SGMS1: variants seen among roughly 807,000 people sequenced by gnomAD.
SGMS1 encodes the protein sphingomyelin synthase 1, also known as phosphatidylcholine:ceramide cholinephosphotransferase 1.
In SGMS1, 13 loss-of-function variants were observed where a neutral mutation model predicts 46.2. That is an observed-to-expected ratio of 0.28 (90% CI 0.18 to 0.45). SGMS1 has a LOEUF of 0.45. SGMS1 is among the 20% of genes least tolerant of loss of function. The pLI, the probability that SGMS1 is intolerant of heterozygous loss-of-function variation, is 1.00. For missense variants in SGMS1, 324 were observed against 519.9 expected (o/e 0.62, Z 3.66); for synonymous variants, 203 against 187.8 (o/e 1.08, Z -0.66).
intron 2 of SGMS1, among the ~76,000 whole-genome samples, chr10:50,568,669 T>C (rs1182608936): frequency 6.6e-6 from 1 of 152,086 alleles, no homozygotes; most frequent in African/African-American, 2.4e-5. Flanking sequence ...TGAGACCCCA[T>C]ATCAAAAAAA....
intron 6 of SGMS1, among the ~76,000 whole-genome samples, chr10:50,432,426 T>C (rs1399536117): frequency 6.6e-6 from 1 of 152,186 alleles, no homozygotes; most frequent in East Asian, 1.9e-4. Flanking sequence ...CTTCCCAGCC[T>C]CGCTTTCAGT....
intron 7 of SGMS1, chr10:50,343,271 C>T: frequency 6.5e-6 from 3 of 462,810 alleles, no homozygotes; most frequent in Non-Finnish European, 7.5e-6. Flanking sequence ...CCATCTTATT[C>T]ATCATCCTGT....
intron 3 of SGMS1, among the ~76,000 whole-genome samples, chr10:50,513,485 C>T (rs538817800): frequency 5.9e-4 from 90 of 152,252 alleles, no homozygotes; most frequent in African/African-American, 2.1e-3. Flanking sequence ...ACTGCCCTTC[C>T]CAACCAGTTT....
intron 2 of SGMS1, among the ~76,000 whole-genome samples, chr10:50,533,659 T>C (rs1837975081): frequency 6.6e-6 from 1 of 152,098 alleles, no homozygotes. Flanking sequence ...AACACACACA[T>C]TTTTCTTAAT....
chr10:50,587,485 T>A (rs952078876), intron 2 of SGMS1, among the ~76,000 whole-genome samples: 3 of 152,004 alleles, frequency 2.0e-5, no homozygotes, highest in Non-Finnish European at 4.4e-5. Context: ...ATACAAAAAT[T>A]AGCCTGGCAT....
chr10:50,566,283 C>T (rs1328639813), intron 2 of SGMS1, among the ~76,000 whole-genome samples: 1 of 148,528 alleles, frequency 6.7e-6, no homozygotes, highest in Non-Finnish European at 1.5e-5. Context: ...CTGCCCCACT[C>T]TTTTTTTTTT....
At chr10:50,377,260 C>A (rs1405807028) in intron 6 of SGMS1, among the ~76,000 whole-genome samples, 2 of 152,138 alleles carry the variant, frequency 1.3e-5, no homozygotes, top group Admixed American at 1.3e-4. Flanking sequence ...CAAGAGAGAG[C>A]CAAACTGGCT....
chr10:50,614,600 G>A (rs1383679886), intron 1 of SGMS1, among the ~76,000 whole-genome samples: 1 of 152,200 alleles, frequency 6.6e-6, no homozygotes, highest in Non-Finnish European at 1.5e-5. Flanking sequence ...CAGAAACTCT[G>A]GCAGAGGTGG....
At chr10:50,565,260 T>A (rs542312685) in intron 2 of SGMS1, among the ~76,000 whole-genome samples, 1 of 152,134 alleles carries the variant, frequency 6.6e-6, no homozygotes, top group East Asian at 1.9e-4. Flanking sequence ...AGACACACAA[T>A]AGGTCTTCAG....
chr10:50,605,393 T>C (rs1296823195), intron 1 of SGMS1, among the ~76,000 whole-genome samples: 1 of 152,154 alleles, frequency 6.6e-6, no homozygotes, highest in African/African-American at 2.4e-5. Flanking sequence ...TATCTGCATA[T>C]CCAGTGAGCA....
At chr10:50,458,374 G>C (rs1340050673) in intron 5 of SGMS1, among the ~76,000 whole-genome samples, 1 of 52,108 alleles carries the variant, frequency 1.9e-5, no homozygotes, top group African/African-American at 7.7e-5. Context: ...TTTTTTGTTT[G>C]AGGTGGAGTC....
chr10:50,371,008 C>G (rs1848427325), intron 6 of SGMS1, among the ~76,000 whole-genome samples: 1 of 152,152 alleles, frequency 6.6e-6, no homozygotes, highest in Non-Finnish European at 1.5e-5. Flanking sequence ...ATAGCAAATA[C>G]ATAAACCATT....
intron 6 of SGMS1, among the ~76,000 whole-genome samples, chr10:50,402,495 T>C (rs1848956143): frequency 6.6e-6 from 1 of 152,180 alleles, no homozygotes; most frequent in Non-Finnish European, 1.5e-5. Context: ...TAACATTACA[T>C]GCCAAGCCAA....
At chr10:50,614,848 A>G (rs1416144926) in intron 1 of SGMS1, among the ~76,000 whole-genome samples, 2 of 152,210 alleles carry the variant, frequency 1.3e-5, no homozygotes, top group Non-Finnish European at 2.9e-5. Flanking sequence ...TCTTTTTCCT[A>G]CTTTCTTGGG....
intron 6 of SGMS1, among the ~76,000 whole-genome samples, chr10:50,357,054 C>T (rs1281240620): frequency 6.6e-6 from 1 of 151,112 alleles, no homozygotes; most frequent in Non-Finnish European, 1.5e-5. Context: ...TATACCTGTA[C>T]CCTAAAACTT....
Position 50,623,747 on chromosome 10 carries a change from G to A in SGMS1, c.-724C>T. 2.0e-6 allele frequency: 2 copies of A among 985,450 alleles called. No individual in the cohort carries two copies. Among genetic ancestry groups the A allele is most frequent in the Non-Finnish European group, 2.4e-6 (2 of 829,944 alleles). 61.0% of individuals were successfully genotyped at this position (985,450 alleles called of 1,614,324 possible). ...GGCAGCCGCCGGAATTCCGCTCGCG[G>A]AGCCCCCGCCGCGGAATGAAATCCG... On this transcript the variant is annotated 5_prime_UTR_variant, in exon 1 of 11. Transcript: ENST00000361781.
chr10:50,589,480 T>C (rs539403521), intron 2 of SGMS1, among the ~76,000 whole-genome samples: 2 of 152,134 alleles, frequency 1.3e-5, no homozygotes, highest in South Asian at 4.2e-4. Flanking sequence ...GTTTTGGGTT[T>C]TGTTTTTTGA....
intron 2 of SGMS1, among the ~76,000 whole-genome samples, chr10:50,535,909 T>C (rs1837996638): frequency 6.6e-6 from 1 of 152,196 alleles, no homozygotes; most frequent in African/African-American, 2.4e-5. Context: ...AGCTTCAAAC[T>C]AGACAAATGT....
intron 9 of SGMS1, 66 bp from the exon 10 acceptor site, chr10:50,308,214 C>G: frequency 1.4e-6 from 2 of 1,415,982 alleles, no homozygotes; most frequent in Admixed American, 2.0e-5. Context: ...CCAACTATGC[C>G]TCTACTAATG....
Sources: allele counts gnomAD v4.1 joint callset (sites outside exome capture counted in the v4.1 genomes callset), GRCh38; gene constraint gnomAD v4.1.1; transcripts MANE v1.5; gene names NCBI Gene and HGNC (gene_info 2026-07-23, HGNC 2026-07-21).